Variants in RNF145 observed in about 807,000 individuals in gnomAD.
RNF145 encodes ring finger protein 145.
Under a neutral mutation model 57.3 loss-of-function variants are expected in RNF145, and 12 were observed. The observed-to-expected ratio is 0.21, with a 90% CI of 0.13 to 0.34. The LOEUF (loss-of-function observed/expected upper bound fraction) is 0.34. RNF145 is among the 10% of genes least tolerant of loss of function. RNF145 has a pLI of 1.00. For synonymous variants in RNF145, 262 were observed against 288.3 expected (o/e 0.91, Z 0.92); for missense variants, 429 against 799.0 (o/e 0.54, Z 5.58).
intron 2 of RNF145, among the ~76,000 whole-genome samples, chr5:159,198,179 C>G (rs990114453): frequency 2.0e-5 from 3 of 151,912 alleles, no homozygotes; most frequent in African/African-American, 7.3e-5. Flanking sequence ...AAGGTTGATG[C>G]TGCAGTGAGC....
intron 8 of RNF145, among the ~76,000 whole-genome samples, chr5:159,167,095 A>T (rs558565880): frequency 6.6e-6 from 1 of 152,318 alleles, no homozygotes; most frequent in Admixed American, 6.5e-5. Context: ...GAACTATTCA[A>T]CTTTTTAGTT....
chr5:159,191,079 C>CA (rs545613338), intron 3 of RNF145, among the ~76,000 whole-genome samples: 1,534 of 60,838 alleles, frequency 0.025, 12 homozygotes, highest in African/African-American at 0.041. Flanking sequence ...AGCTGATGAG[C>CA]AAAAAAAAAA....
At chr5:159,159,387 T>C (rs1278489182) in intron 10 of RNF145, among the ~76,000 whole-genome samples, 1 of 152,214 alleles carries the variant, frequency 6.6e-6, no homozygotes, top group East Asian at 1.9e-4. Context: ...AGAGTATAAT[T>C]ACAACCTCAG....
intron 2 of RNF145, among the ~76,000 whole-genome samples, chr5:159,200,063 G>A (rs1049827851): frequency 2.6e-5 from 4 of 152,202 alleles, no homozygotes; most frequent in Non-Finnish European, 4.4e-5. Flanking sequence ...GGCTGCGGCA[G>A]GAGGATCACT....
chr5:159,209,921 C>T (rs1250321068), upstream of RNF145: 2 of 1,535,468 alleles, frequency 1.3e-6, no homozygotes, highest in Non-Finnish European at 1.7e-6. Context: ...AGCAATGATG[C>T]GAGAATTCGT....
chr5:159,182,602 G>C (rs1584687233), intron 3 of RNF145, among the ~76,000 whole-genome samples: 1 of 152,026 alleles, frequency 6.6e-6, no homozygotes, highest in Non-Finnish European at 1.5e-5. Flanking sequence ...TAATATTTAA[G>C]TAGGCTACAT....
chr5:159,201,666 T>C (rs1398316705), intron 2 of RNF145, among the ~76,000 whole-genome samples: 1 of 152,016 alleles, frequency 6.6e-6, no homozygotes, highest in African/African-American at 2.4e-5. Flanking sequence ...ACAAAAACCA[T>C]GATTCAAAAC....
intron 5 of RNF145, 38 bp downstream of exon 5, chr5:159,176,594 A>G (rs1361707815): frequency 8.8e-7 from 1 of 1,133,896 alleles, no homozygotes; most frequent in Non-Finnish European, 1.3e-6. Context: ...ATTTATGTAG[A>G]ATTTTATCTA....
intron 1 of RNF145, among the ~76,000 whole-genome samples, chr5:159,208,796 G>C (rs749930608): frequency 1.3e-5 from 2 of 151,922 alleles, no homozygotes; most frequent in Non-Finnish European, 1.5e-5. Context: ...GCTCTGGAAG[G>C]GTCTTGAAAA....
At position 159,172,609 on chromosome 5, in the gene RNF145, AG is replaced by A. The variant is rs1187057100; in HGVS notation, c.797+1373del. Among the ~76,000 whole-genome samples the A allele has an allele frequency of 2.0e-5, 3 of 152,350 alleles. No homozygotes were observed. In the South Asian group the frequency reaches 6.2e-4, roughly 32 times the overall value. Reference sequence around the variant, plus strand: ...TGACATCAACTTACTGCATGTTTATAGAAGCTACTTATAATTGTTATTCATT... The same window carrying A: ...TGACATCAACTTACTGCATGTTTATAAAGCTACTTATAATTGTTATTCATT... On this transcript the variant is annotated intron_variant, in intron 6 of 10. Transcript: ENST00000424310.
At chr5:159,176,070 A>G (rs1784711201) in intron 5 of RNF145, among the ~76,000 whole-genome samples, 1 of 152,168 alleles carries the variant, frequency 6.6e-6, no homozygotes, top group African/African-American at 2.4e-5. Context: ...CAATTCAAGT[A>G]CTATATCTAA....
chr5:159,172,493 T>C (rs1364316928), intron 6 of RNF145, among the ~76,000 whole-genome samples: 2 of 151,510 alleles, frequency 1.3e-5, no homozygotes, highest in East Asian at 3.9e-4. Flanking sequence ...AAAAAAAAAG[T>C]CTGCATAAAA....
At chr5:159,161,216 A>G in intron 10 of RNF145, 50 bp downstream of exon 10, 1 of 1,182,856 alleles carries the variant, frequency 8.5e-7, no homozygotes, top group Non-Finnish European at 1.2e-6. Flanking sequence ...TACAGTCCCA[A>G]GGGATACACT....
chr5:159,176,752 T>G lies in RNF145; in HGVS notation c.501A>C (p.Thr167=), dbSNP rs773044575. ...LARLCLVPLE[T]IVIINKFAMI... ...TAGCAAATTTATTGATGATAACAAT[T>G]GTCTCCAAAGGAACAAGGCAGAGTC... Residue 167 remains threonine, a synonymous_variant, in exon 5 of 11, where the codon ACA becomes ACC. Coordinates refer to ENST00000424310, the MANE Select transcript of RNF145 (RefSeq NM_001199383.2). 11 of 1,612,274 alleles carry G rather than the reference T, an allele frequency of 6.8e-6. No homozygotes were observed. The highest frequency in any genetic ancestry group is 1.3e-5 in the African/African-American group (1 of 74,838).
intron 5 of RNF145, among the ~76,000 whole-genome samples, chr5:159,176,338 G>A (rs112868157): frequency 1.6e-3 from 244 of 152,106 alleles, no homozygotes; most frequent in African/African-American, 5.5e-3. Context: ...TATTAGCTCC[G>A]TTTTACAGAA....
At chr5:159,194,333 G>C (rs548771775) in intron 3 of RNF145, among the ~76,000 whole-genome samples, 1 of 152,046 alleles carries the variant, frequency 6.6e-6, no homozygotes, top group Non-Finnish European at 1.5e-5. Flanking sequence ...CACCATGCCC[G>C]GCTAATTTTT....
chr5:159,186,565 A>C (rs1263502305), intron 3 of RNF145, among the ~76,000 whole-genome samples: 1 of 152,220 alleles, frequency 6.6e-6, no homozygotes, highest in Non-Finnish European at 1.5e-5. Flanking sequence ...CACTTGGTAC[A>C]AGAAATCTCA....
chr5:159,202,234 T>A (rs1336798139), intron 2 of RNF145, among the ~76,000 whole-genome samples: 2 of 152,208 alleles, frequency 1.3e-5, no homozygotes, highest in African/African-American at 4.8e-5. Flanking sequence ...AGCACATTTT[T>A]AAAACCACAG....
At chr5:159,189,764 A>C (rs1210640244) in intron 3 of RNF145, among the ~76,000 whole-genome samples, 1 of 152,368 alleles carries the variant, frequency 6.6e-6, no homozygotes, top group Non-Finnish European at 1.5e-5. Flanking sequence ...ATGGACAGAA[A>C]AAGAAAGTAA....
Sources: gnomAD v4.1 joint callset for allele counts (sites outside exome capture counted in the v4.1 genomes callset) on GRCh38, gnomAD v4.1.1 for gene constraint, MANE v1.5 for transcripts, NCBI Gene and HGNC (gene_info 2026-07-23, HGNC 2026-07-21) for gene names.